KLHL4: variants seen among roughly 807,000 people sequenced by gnomAD.
KLHL4 encodes kelch like family member 4, also known as kelch-like protein 4.
KLHL4 carries 17 observed loss-of-function variants against 45.8 expected under a neutral mutation model. The ratio of observed to expected loss-of-function variants is 0.37; its 90% CI spans 0.25 to 0.56. The LOEUF (loss-of-function observed/expected upper bound fraction) is 0.56. Ranked by LOEUF, KLHL4 falls within the 20% of genes least tolerant of loss-of-function variation. KLHL4 has a pLI of 0.79. For synonymous variants in KLHL4, 224 were observed against 189.9 expected (o/e 1.18, Z -1.47); for missense variants, 544 against 544.9 (o/e 1.00, Z 0.02).
intron 1 of KLHL4, among the ~76,000 whole-genome samples, chrX:87,589,066 T>G (rs756862974): frequency 8.9e-6 from 1 of 111,958 alleles, no homozygotes; most frequent in Admixed American, 9.5e-5. Flanking sequence ...GTGCTCAACA[T>G]CATTGATCAT....
rs186790160 is a variant in KLHL4 at position 87,600,352 on chromosome X, C to T, written c.423-13525C>T. 4.1e-3 allele frequency among the ~76,000 whole-genome samples: 449 copies of T among 110,605 alleles called. 4 individuals are homozygous for T. The highest frequency in any genetic ancestry group is 0.015 in the East Asian group (52 of 3,488). On this transcript the variant is annotated intron_variant, in intron 1 of 10. Transcript: ENST00000373119. ...CAAAAAAATTAGCCGGGCGTGGTGGCGGGCACCTGTAGTCCCAGCTATCAG... is the reference window on the plus strand; with the variant it reads ...CAAAAAAATTAGCCGGGCGTGGTGGTGGGCACCTGTAGTCCCAGCTATCAG...
chrX:87,554,094 A>G (rs1931903228), intron 1 of KLHL4, among the ~76,000 whole-genome samples: 1 of 95,690 alleles, frequency 1.0e-5, no homozygotes, highest in African/African-American at 3.9e-5. Flanking sequence ...TTTTGGTACC[A>G]GTACCATGCT....
intron 1 of KLHL4, among the ~76,000 whole-genome samples, chrX:87,554,840 T>C (rs1196324425): frequency 1.0e-5 from 1 of 100,477 alleles, no homozygotes; most frequent in Non-Finnish European, 2.0e-5. Flanking sequence ...TTCAGTATGA[T>C]ATTGGCTGTG....
At chrX:87,587,663 A>G (rs1472367355) in intron 1 of KLHL4, among the ~76,000 whole-genome samples, 1 of 111,317 alleles carries the variant, frequency 9.0e-6, no homozygotes, top group Non-Finnish European at 1.9e-5. Context: ...CAACATATTA[A>G]TAGCCATATA....
In KLHL4 at chrX:87,664,896, A is replaced by C; in HGVS notation, c.2058A>C (p.Thr686=). 11 of 1,194,427 alleles carry C rather than the reference A, an allele frequency of 9.2e-6. No homozygotes were observed. The highest frequency in any genetic ancestry group is 1.2e-5 in the Non-Finnish European group (11 of 881,712). The part of the protein sequence containing the change: ...GGYDGHTYLN[T]VESYDAQRNE... ...ATGACGGACATACTTATTTGAACAC[A>C]GTTGAGTCATATGATGCACAGAGAA... The change falls in exon 10 of 11, where the codon ACA becomes ACC. Residue 686 remains threonine (T), a synonymous_variant. Coordinates refer to ENST00000373119, the MANE Select transcript of KLHL4 (RefSeq NM_019117.5).
intron 9 of KLHL4, among the ~76,000 whole-genome samples, chrX:87,636,775 CAT>C (rs989239942): frequency 6.4e-5 from 7 of 109,875 alleles, no homozygotes; most frequent in African/African-American, 2.3e-4. Context: ...AACATAACTC[CAT>C]TGGCCTGAAA....
Position 87,618,369 on chromosome X carries a change from G to A in KLHL4, c.924+241G>A, listed in dbSNP as rs764966230. 1.3e-3 allele frequency among the ~76,000 whole-genome samples: 144 copies of A among 111,648 alleles called. 1 individual carries two copies. The highest frequency in any genetic ancestry group is 3.2e-3 in the African/African-American group (98 of 30,740). On this transcript the variant is annotated intron_variant, in intron 4 of 10. Transcript: ENST00000373119. ...CTGCCAAAAAATAAATTGTACAACT[G>A]CGTATTTCAAATAGAATCTATAGTA... is the stretch of plus-strand genomic sequence containing the variant.
intron 1 of KLHL4, among the ~76,000 whole-genome samples, chrX:87,553,277 A>T (rs1427807339): frequency 9.0e-6 from 1 of 111,276 alleles, no homozygotes; most frequent in African/African-American, 3.3e-5. Flanking sequence ...GCAAATAAAG[A>T]AATAAGAATA....
chrX:87,609,494 A>G (rs1416823128), intron 1 of KLHL4, among the ~76,000 whole-genome samples: 2 of 111,657 alleles, frequency 1.8e-5, no homozygotes, highest in African/African-American at 6.5e-5. Context: ...TTTGATTTGC[A>G]TTTCTCTGAT....
chrX:87,527,482 G>A (rs907313200), intron 1 of KLHL4, among the ~76,000 whole-genome samples: 11 of 111,282 alleles, frequency 9.9e-5, no homozygotes, highest in African/African-American at 2.9e-4. Flanking sequence ...CCAAAGCCAC[G>A]CGACACTCTC....
chrX:87,577,168 C>G (rs1408315143), intron 1 of KLHL4, among the ~76,000 whole-genome samples: 1 of 111,943 alleles, frequency 8.9e-6, no homozygotes, highest in Non-Finnish European at 1.9e-5. Context: ...AATGCTAAAA[C>G]TTACAGGTTA....
chrX:87,540,825 A>T (rs1001529884), intron 1 of KLHL4, among the ~76,000 whole-genome samples: 2 of 112,193 alleles, frequency 1.8e-5, no homozygotes, highest in African/African-American at 6.5e-5. Context: ...AATATTATAT[A>T]TAACTAATTG....
intron 1 of KLHL4, among the ~76,000 whole-genome samples, chrX:87,523,942 G>A (rs1331819151): frequency 1.8e-5 from 2 of 110,842 alleles, no homozygotes; most frequent in South Asian, 3.8e-4. Flanking sequence ...CAGCCTGGGC[G>A]ACAGAGTGAA....
intron 1 of KLHL4, among the ~76,000 whole-genome samples, chrX:87,529,503 A>G (rs1931196750): frequency 9.0e-6 from 1 of 111,683 alleles, no homozygotes; most frequent in Non-Finnish European, 1.9e-5. Context: ...TTTGACAAAA[A>G]AACCTAGTCA....
At chrX:87,573,511 G>T (rs1030886174) in intron 1 of KLHL4, among the ~76,000 whole-genome samples, 1 of 111,117 alleles carries the variant, frequency 9.0e-6, no homozygotes, top group African/African-American at 3.3e-5. Context: ...ATGAGATAGA[G>T]AATGAATAGA....
At chrX:87,604,271 CCTATGGTATCTA>C (rs1248609510) in intron 1 of KLHL4, among the ~76,000 whole-genome samples, 4 of 110,119 alleles carry the variant, frequency 3.6e-5, no homozygotes, top group Non-Finnish European at 7.6e-5. Flanking sequence ...ATTGAAAGAT[CCTATGGTATCTA>C]TCAGTCACAT....
chrX:87,522,207 G>T (rs1310737576), intron 1 of KLHL4, among the ~76,000 whole-genome samples: 1 of 111,710 alleles, frequency 9.0e-6, no homozygotes, highest in Non-Finnish European at 1.9e-5. Context: ...TATCTGCAGG[G>T]AGTGCTTTCC....
chrX:87,622,080 T>A, intron 4 of KLHL4, 131 bp from the exon 5 acceptor site: 1 of 472,076 alleles, frequency 2.1e-6, no homozygotes, highest in Non-Finnish European at 3.6e-6. Flanking sequence ...GGAGCACCTA[T>A]TTTTTATAAG....
At chrX:87,622,962 A>G (rs766288537) in intron 5 of KLHL4, among the ~76,000 whole-genome samples, 1 of 112,278 alleles carries the variant, frequency 8.9e-6, no homozygotes, top group Non-Finnish European at 1.9e-5. Flanking sequence ...AATAAGATCC[A>G]GGGTTAACTC....
Sources: gnomAD v4.1 joint callset for allele counts (sites outside exome capture counted in the v4.1 genomes callset) on GRCh38, gnomAD v4.1.1 for gene constraint, MANE v1.5 for transcripts, NCBI Gene and HGNC (gene_info 2026-07-23, HGNC 2026-07-21) for gene names.